Variants in NRXN3 observed in about 807,000 individuals in gnomAD.
NRXN3 encodes the protein neurexin III.
In NRXN3, 32 loss-of-function variants were observed where a neutral mutation model predicts 137.6. The observed-to-expected ratio is 0.23, with a 90% CI of 0.18 to 0.31. The LOEUF is 0.31. NRXN3 is among the 10% of genes least tolerant of loss of function. NRXN3 has a pLI of 1.00. For synonymous variants in NRXN3, 798 were observed against 784.5 expected, an observed-to-expected ratio of 1.02 and a Z score of -0.29; for missense variants, 1,574 against 2,062.5, an observed-to-expected ratio of 0.76 and a Z score of 4.59.
intron 16 of NRXN3, among the ~76,000 whole-genome samples, chr14:79,553,521 T>G (rs2153750941): frequency 6.6e-6 from 1 of 152,226 alleles, no homozygotes; most frequent in Admixed American, 6.5e-5. Flanking sequence ...GCCACCTAAC[T>G]CCCACCTCTA....
chr14:79,641,666 G>A (rs1236143507), intron 16 of NRXN3, among the ~76,000 whole-genome samples: 1 of 135,116 alleles, frequency 7.4e-6, no homozygotes, highest in East Asian at 2.0e-4. Context: ...TGAAGGGACA[G>A]TGTCTATCCA....
chr14:79,616,499 A>G (rs575132727), intron 16 of NRXN3, among the ~76,000 whole-genome samples: 1 of 152,258 alleles, frequency 6.6e-6, no homozygotes, highest in East Asian at 1.9e-4. Context: ...AACAGGCTCA[A>G]GAAGGAAGAA....
At chr14:79,139,433 C>A (rs2152991788) in intron 15 of NRXN3, among the ~76,000 whole-genome samples, 1 of 152,146 alleles carries the variant, frequency 6.6e-6, no homozygotes, top group Non-Finnish European at 1.5e-5. Flanking sequence ...TAAATAACAC[C>A]ATCCATATGA....
chr14:78,456,380 C>T (rs527652443), intron 4 of NRXN3, among the ~76,000 whole-genome samples: 1 of 152,290 alleles, frequency 6.6e-6, no homozygotes, highest in East Asian at 1.9e-4. Context: ...TTAGTTTTCT[C>T]ATATGTTAAA....
intron 17 of NRXN3, among the ~76,000 whole-genome samples, chr14:79,683,986 C>T (rs1264209910): frequency 1.3e-5 from 2 of 152,188 alleles, no homozygotes; most frequent in Non-Finnish European, 2.9e-5. Flanking sequence ...AATCAAACCT[C>T]ACCTCTTACA....
chr14:78,767,149 A>G (rs2098711718), intron 8 of NRXN3, among the ~76,000 whole-genome samples: 1 of 152,196 alleles, frequency 6.6e-6, no homozygotes, highest in Non-Finnish European at 1.5e-5. Context: ...TTGTGATCTC[A>G]TCTGAGGCTT....
intron 15 of NRXN3, among the ~76,000 whole-genome samples, chr14:79,094,504 A>G (rs182868469): frequency 3.3e-5 from 5 of 152,330 alleles, no homozygotes; most frequent in Middle Eastern, 6.8e-3. Flanking sequence ...ACTCGGTCTA[A>G]AGTCCCTTGG....
chr14:79,475,450 A>G (rs1027026786), intron 16 of NRXN3, among the ~76,000 whole-genome samples: 3 of 152,110 alleles, frequency 2.0e-5, no homozygotes, highest in Non-Finnish European at 2.9e-5. Flanking sequence ...TTAGCTCCTG[A>G]GCATCATTCA....
At chr14:79,125,553 C>T (rs577773016) in intron 15 of NRXN3, among the ~76,000 whole-genome samples, 7 of 152,304 alleles carry the variant, frequency 4.6e-5, no homozygotes, top group African/African-American at 1.7e-4. Context: ...TAGACAACTC[C>T]AGTTCCTGCT....
At chr14:79,138,259 T>C (rs750404653) in intron 15 of NRXN3, among the ~76,000 whole-genome samples, 9 of 152,144 alleles carry the variant, frequency 5.9e-5, no homozygotes, top group Non-Finnish European at 1.0e-4. Context: ...AGGCTCATGA[T>C]CCTTACGCCT....
intron 17 of NRXN3, among the ~76,000 whole-genome samples, chr14:79,691,230 A>T (rs2098715383): frequency 6.6e-6 from 1 of 152,026 alleles, no homozygotes; most frequent in Non-Finnish European, 1.5e-5. Flanking sequence ...GGCAGTTAAA[A>T]CCACTATGTT....
chr14:78,522,973 G>A (rs2096307922), intron 4 of NRXN3, among the ~76,000 whole-genome samples: 1 of 152,178 alleles, frequency 6.6e-6, no homozygotes, highest in African/African-American at 2.4e-5. Flanking sequence ...TGAATTCATA[G>A]TGTTTTTCTT....
At chr14:78,512,194 T>C (rs1599694456) in intron 4 of NRXN3, among the ~76,000 whole-genome samples, 1 of 152,020 alleles carries the variant, frequency 6.6e-6, no homozygotes, top group East Asian at 1.9e-4. Flanking sequence ...TCACCAGACA[T>C]GTAAGTCATG....
At chr14:79,389,504 C>G (rs1454048866) in intron 15 of NRXN3, among the ~76,000 whole-genome samples, 1 of 152,190 alleles carries the variant, frequency 6.6e-6, no homozygotes, top group Non-Finnish European at 1.5e-5. Context: ...CCAATACATA[C>G]CTTTATGGAA....
intron 15 of NRXN3, among the ~76,000 whole-genome samples, chr14:79,059,245 C>A (rs2099670723): frequency 8.9e-6 from 1 of 112,368 alleles, no homozygotes. Flanking sequence ...CCTTCAGGCC[C>A]TATTCTTTTT....
chr14:78,856,046 A>G (rs2099056178), intron 10 of NRXN3, among the ~76,000 whole-genome samples: 1 of 152,098 alleles, frequency 6.6e-6, no homozygotes, highest in African/African-American at 2.4e-5. Flanking sequence ...TTGAACCTTA[A>G]TGTCTCTTCT....
chr14:79,847,289 T>C (rs1169388571), intron 20 of NRXN3, among the ~76,000 whole-genome samples: 1 of 152,240 alleles, frequency 6.6e-6, no homozygotes, highest in Non-Finnish European at 1.5e-5. Flanking sequence ...AAAGCTTGAA[T>C]ACATGTTTTA....
intron 15 of NRXN3, among the ~76,000 whole-genome samples, chr14:78,997,736 A>G (rs2099532956): frequency 2.0e-5 from 3 of 152,234 alleles, no homozygotes; most frequent in Admixed American, 2.0e-4. Context: ...TACCCAAGTA[A>G]CCAACACCAG....
chr14:78,368,448 C>T (rs532460935), intron 4 of NRXN3, among the ~76,000 whole-genome samples: 23 of 152,320 alleles, frequency 1.5e-4, no homozygotes, highest in African/African-American at 4.1e-4. Flanking sequence ...CAGCGGCTTA[C>T]GCCTGTAATC....
Sources: allele counts gnomAD v4.1 joint callset (sites outside exome capture counted in the v4.1 genomes callset), GRCh38; gene constraint gnomAD v4.1.1; transcripts MANE v1.5; gene names NCBI Gene and HGNC (gene_info 2026-07-23, HGNC 2026-07-21).